FSTL4: variants seen among roughly 807,000 people sequenced by gnomAD.
FSTL4 encodes the protein follistatin-related protein 4.
In FSTL4, 28 loss-of-function variants were observed where a neutral mutation model predicts 78.2. The ratio of observed to expected loss-of-function variants is 0.36; its 90% CI spans 0.27 to 0.49. FSTL4 has a LOEUF of 0.49. FSTL4 is among the 20% of genes least tolerant of loss of function. The probability of loss-of-function intolerance (pLI) is 0.98; values close to 1 mark genes in which losing one functional copy is unlikely to be tolerated. For missense variants in FSTL4, 922 were observed against 1,084.9 expected (o/e 0.85, Z 2.11); for synonymous variants, 422 against 440.5 (o/e 0.96, Z 0.53).
Position 133,408,697 on chromosome 5 carries a change from T to C in FSTL4, c.161-7711A>G, listed in dbSNP as rs2126977968. The stretch of plus-strand genomic sequence containing the variant: ...AAACCTTGGCCTCCACCCAGTCCTG[T>C]GCTCCTTCACAGCTGATAGTTGTGT... On this transcript the variant is annotated intron_variant, in intron 3 of 15. Coordinates refer to ENST00000265342, the MANE Select transcript of FSTL4 (RefSeq NM_015082.2). Among the ~76,000 whole-genome samples the C allele has an allele frequency of 2.6e-5, 4 of 152,328 alleles. No homozygotes were observed. In the South Asian group the frequency reaches 8.3e-4, roughly 32 times the overall value.
At chr5:133,312,356 C>A (rs1753805101) in intron 6 of FSTL4, 5 of 322,736 alleles carry the variant, frequency 1.5e-5, no homozygotes, top group South Asian at 1.2e-4. Flanking sequence ...AGTCATAGAA[C>A]CCCCAAAGGG....
intron 6 of FSTL4, among the ~76,000 whole-genome samples, chr5:133,261,945 T>C (rs996882796): frequency 6.6e-6 from 1 of 151,590 alleles, no homozygotes; most frequent in African/African-American, 2.4e-5. Context: ...TGAGCTGAGA[T>C]TGCGCCACTG....
intron 2 of FSTL4, among the ~76,000 whole-genome samples, chr5:133,568,164 A>G (rs947362143): frequency 6.6e-6 from 1 of 152,218 alleles, no homozygotes; most frequent in African/African-American, 2.4e-5. Flanking sequence ...CCTGGTGAGA[A>G]CTAATGGGGG....
the FSTL4 span, among the ~76,000 whole-genome samples, chr5:133,647,207 A>G: frequency 6.6e-6 from 1 of 152,120 alleles, no homozygotes; most frequent in African/African-American, 2.4e-5. Flanking sequence ...TCAGGAGAAG[A>G]TACAGCAGAG....
At chr5:133,597,401 A>G (rs1179936684) in intron 2 of FSTL4, among the ~76,000 whole-genome samples, 1 of 152,204 alleles carries the variant, frequency 6.6e-6, no homozygotes, top group Non-Finnish European at 1.5e-5. Context: ...GAAAAATAGA[A>G]ATTGGAGCCC....
chr5:133,655,868 A>T, the FSTL4 span, among the ~76,000 whole-genome samples: 1 of 152,154 alleles, frequency 6.6e-6, no homozygotes, highest in East Asian at 1.9e-4. Context: ...ATCATGGTAA[A>T]CCAGTGAGAT....
chr5:133,805,870 C>T, the FSTL4 span, among the ~76,000 whole-genome samples: 89 of 152,304 alleles, frequency 5.8e-4, no homozygotes, highest in South Asian at 8.3e-4. Flanking sequence ...TGTTGTGAAT[C>T]TCAGTGTCAT....
upstream of FSTL4, among the ~76,000 whole-genome samples, chr5:133,616,313 C>CTA (rs1317698729): frequency 2.8e-5 from 4 of 143,172 alleles, no homozygotes; most frequent in African/African-American, 1.0e-4. Flanking sequence ...AAATCTAAAT[C>CTA]TATCTATCTA....
intron 4 of FSTL4, among the ~76,000 whole-genome samples, chr5:133,324,909 C>T (rs1445953229): frequency 6.6e-6 from 1 of 152,242 alleles, no homozygotes; most frequent in Non-Finnish European, 1.5e-5. Flanking sequence ...CTCACTGAAG[C>T]CCAGACCTCC....
chr5:133,321,326 C>T (rs571232930), intron 4 of FSTL4, among the ~76,000 whole-genome samples: 17 of 152,342 alleles, frequency 1.1e-4, no homozygotes, highest in South Asian at 6.2e-4. Context: ...CCCTTACCTT[C>T]ATCACTCTCC....
chr5:133,703,532 C>T, the FSTL4 span, among the ~76,000 whole-genome samples: 5 of 152,358 alleles, frequency 3.3e-5, 1 homozygote, highest in South Asian at 1.0e-3. Flanking sequence ...TTGCGAGACA[C>T]TTCCGTAGAA....
chr5:133,799,938 C>T, the FSTL4 span, among the ~76,000 whole-genome samples: 2 of 139,318 alleles, frequency 1.4e-5, no homozygotes, highest in East Asian at 3.9e-4. Flanking sequence ...GCAGTTCATC[C>T]CCTGCAGCAC....
intron 3 of FSTL4, among the ~76,000 whole-genome samples, chr5:133,410,148 A>G (rs1315399059): frequency 6.6e-6 from 1 of 152,244 alleles, no homozygotes; most frequent in Admixed American, 6.5e-5. Flanking sequence ...CTGCATAAAA[A>G]TGTCAAGTAC....
chr5:133,310,514 C>A (rs921772652), intron 6 of FSTL4, among the ~76,000 whole-genome samples: 8 of 152,160 alleles, frequency 5.3e-5, no homozygotes, highest in African/African-American at 1.9e-4. Context: ...TCCTTGAGAG[C>A]AAAGCCAAGA....
chr5:133,518,808 G>T (rs995076122), intron 3 of FSTL4, among the ~76,000 whole-genome samples: 1 of 152,148 alleles, frequency 6.6e-6, no homozygotes, highest in Non-Finnish European at 1.5e-5. Context: ...TATGTGCTTT[G>T]CTATATTTCC....
At chr5:133,577,636 G>C (rs140282471) in intron 2 of FSTL4, among the ~76,000 whole-genome samples, 1,761 of 152,348 alleles carry the variant, frequency 0.012, 16 homozygotes, top group South Asian at 0.017. Flanking sequence ...CAGATGTGAA[G>C]GGGAGAGGGC....
At chr5:133,667,112 T>A in the FSTL4 span, among the ~76,000 whole-genome samples, 1 of 152,194 alleles carries the variant, frequency 6.6e-6, no homozygotes, top group Non-Finnish European at 1.5e-5. Context: ...CCTCCCTAAC[T>A]TTCTCCGTCT....
chr5:133,605,181 C>T (rs78671640), intron 1 of FSTL4, among the ~76,000 whole-genome samples: 7 of 152,308 alleles, frequency 4.6e-5, no homozygotes, highest in Non-Finnish European at 1.0e-4. Context: ...AGATACAACT[C>T]ATTATGTAGT....
intron 3 of FSTL4, among the ~76,000 whole-genome samples, chr5:133,560,528 TA>T (rs1277565302): frequency 6.6e-6 from 1 of 152,042 alleles, no homozygotes; most frequent in Non-Finnish European, 1.5e-5. Context: ...CATGCTTGGC[TA>T]ATTTTTTGTA....
Sources: allele counts gnomAD v4.1 joint callset (sites outside exome capture counted in the v4.1 genomes callset), GRCh38; gene constraint gnomAD v4.1.1; transcripts MANE v1.5; gene names NCBI Gene and HGNC (gene_info 2026-07-23, HGNC 2026-07-21).